GPHN: variants seen among roughly 807,000 people sequenced by gnomAD.
The protein encoded by GPHN is gephyrin.
A neutral mutation model predicts 95.5 loss-of-function variants in GPHN; 17 were observed. The ratio of observed to expected loss-of-function variants is 0.18; its 90% confidence interval spans 0.12 to 0.27. The LOEUF is 0.27. Ranked by LOEUF, GPHN falls within the 10% of genes least tolerant of loss-of-function variation. The pLI, the probability that GPHN is intolerant of heterozygous loss-of-function variation, is 1.00. For synonymous variants in GPHN, 320 were observed against 322.5 expected (o/e 0.99, Z 0.08); for missense variants, 660 against 978.1 (o/e 0.67, Z 4.34).
rs527675278 is a variant in GPHN, at chr14:66,964,260, C to T, written c.829-931C>T. Among the ~76,000 whole-genome samples the T allele has an allele frequency of 3.3e-5, 5 of 151,516 alleles. 1 individual carries two copies. The highest frequency in any genetic ancestry group is 1.2e-4 in the African/African-American group (5 of 41,266). On this transcript the variant is annotated intron_variant, in intron 8 of 22. Coordinates refer to ENST00000478722, the MANE Select transcript of GPHN (RefSeq NM_020806.5). ...AATAACCAACACATTAAATATTTAC[C>T]ACTTGAAAGTGCTAAATAATCTACA...
At chr14:67,388,743 G>A in the GPHN span, among the ~76,000 whole-genome samples, 4 of 152,036 alleles carry the variant, frequency 2.6e-5, no homozygotes, top group Non-Finnish European at 5.9e-5. Flanking sequence ...GCAGAGGCAC[G>A]ATCTCGGCTC....
chr14:67,169,232 T>TA (rs1405621459), intron 21 of GPHN, 196 bp downstream of exon 21: 2 of 601,394 alleles, frequency 3.3e-6, no homozygotes, highest in Admixed American at 2.9e-5. Context: ...ACTTCTAAAG[T>TA]GAATCATTTT....
chr14:67,096,316 T>C (rs1238962292), intron 12 of GPHN, among the ~76,000 whole-genome samples: 2 of 152,284 alleles, frequency 1.3e-5, no homozygotes, highest in South Asian at 2.1e-4. Flanking sequence ...CTTTCACATA[T>C]GGACCTCCCT....
At chr14:66,676,014 T>C (rs8014041) in intron 1 of GPHN, among the ~76,000 whole-genome samples, 47,162 of 151,852 alleles carry the variant, frequency 0.31, 11,141 homozygotes, top group African/African-American at 0.63. Flanking sequence ...TTTTATCCTT[T>C]TATAGATTCA....
intron 5 of GPHN, among the ~76,000 whole-genome samples, chr14:66,906,529 G>A (rs2065388598): frequency 6.6e-6 from 1 of 152,174 alleles, no homozygotes; most frequent in African/African-American, 2.4e-5. Context: ...TATTCTTACT[G>A]TCTGTTCAGA....
At chr14:67,081,012 G>A (rs2076674585) in intron 11 of GPHN, among the ~76,000 whole-genome samples, 1 of 152,164 alleles carries the variant, frequency 6.6e-6, no homozygotes, top group South Asian at 2.1e-4. Context: ...CTCATGGATT[G>A]GTGGGCATTT....
intron 1 of GPHN, among the ~76,000 whole-genome samples, chr14:66,618,779 C>G (rs2063159854): frequency 6.6e-6 from 1 of 152,088 alleles, no homozygotes; most frequent in Admixed American, 6.5e-5. Context: ...ACATGACATG[C>G]AATAAACGGC....
the GPHN span, chr14:67,578,309 G>A: frequency 5.2e-6 from 5 of 967,162 alleles, no homozygotes; most frequent in African/African-American, 6.4e-5. This position sits in a 1 kb window ranked among gnomAD's most constrained non-coding sequence, Gnocchi z 5.0. Flanking sequence ...CAGCCAGCGG[G>A]CAGCCTCTGT....
chr14:67,365,939 C>G, the GPHN span, among the ~76,000 whole-genome samples: 2 of 152,142 alleles, frequency 1.3e-5, no homozygotes, highest in African/African-American at 4.8e-5. Flanking sequence ...CTACTTAGCA[C>G]ATGGATTGTT....
chr14:66,972,600 ATTAAT>A (rs1279680944), intron 9 of GPHN, among the ~76,000 whole-genome samples: 3 of 151,850 alleles, frequency 2.0e-5, no homozygotes, highest in Non-Finnish European at 1.5e-5. Flanking sequence ...TCAAGTTTTA[ATTAAT>A]TTAATTTTCC....
chr14:67,595,336 C>T, the GPHN span, among the ~76,000 whole-genome samples: 2 of 152,132 alleles, frequency 1.3e-5, no homozygotes, highest in Admixed American at 1.3e-4. Flanking sequence ...TTCCTACTGA[C>T]TTTGTATTGT....
At chr14:67,143,488 A>T (rs371977711) in intron 18 of GPHN, 39 bp downstream of exon 18, 2 of 1,180,072 alleles carry the variant, frequency 1.7e-6, no homozygotes, top group African/African-American at 3.0e-5. Context: ...ATCTGCTGTA[A>T]TGTTCTTGCA....
At chr14:67,139,078 C>G (rs192668921) in intron 17 of GPHN, among the ~76,000 whole-genome samples, 9 of 151,468 alleles carry the variant, frequency 5.9e-5, no homozygotes, top group African/African-American at 2.2e-4. Context: ...AAAACATTAG[C>G]CAGCCATGGT....
At chr14:67,658,465 T>C in the GPHN span, among the ~76,000 whole-genome samples, 2 of 151,816 alleles carry the variant, frequency 1.3e-5, no homozygotes, top group Non-Finnish European at 2.9e-5. Flanking sequence ...GGCGTGGTGG[T>C]GGGCGCCTGT....
At chr14:66,760,145 A>C (rs1261321238) in intron 2 of GPHN, among the ~76,000 whole-genome samples, 1 of 152,174 alleles carries the variant, frequency 6.6e-6, no homozygotes, top group African/African-American at 2.4e-5. Context: ...GTAGAATGTA[A>C]GATCCATGAA....
chr14:67,059,002 C>T (rs1594974754), intron 11 of GPHN: 4 of 362,846 alleles, frequency 1.1e-5, no homozygotes, highest in Non-Finnish European at 1.5e-5. Flanking sequence ...ACTGCCTTTT[C>T]ATTAAAAAAA....
the GPHN span, among the ~76,000 whole-genome samples, chr14:67,608,577 G>A: frequency 6.6e-6 from 1 of 152,190 alleles, no homozygotes; most frequent in Non-Finnish European, 1.5e-5. Context: ...ATGTGTGGAA[G>A]GTTCTATTGT....
chr14:66,553,138 C>T (rs559414843), intron 1 of GPHN, among the ~76,000 whole-genome samples: 15 of 151,902 alleles, frequency 9.9e-5, no homozygotes, highest in South Asian at 2.1e-4. Flanking sequence ...TACAGGTGCC[C>T]GCTACCATGC....
chr14:67,595,017 G>C, the GPHN span, among the ~76,000 whole-genome samples: 1 of 151,930 alleles, frequency 6.6e-6, no homozygotes, highest in Non-Finnish European at 1.5e-5. Context: ...GGCACCTGTA[G>C]TCCCAGCTAC....
Sources: allele counts gnomAD v4.1 joint callset (sites outside exome capture counted in the v4.1 genomes callset), GRCh38; gene constraint gnomAD v4.1.1; non-coding constraint Gnocchi (gnomAD v3.1); transcripts MANE v1.5; gene names NCBI Gene and HGNC (gene_info 2026-07-23, HGNC 2026-07-21).